The following HIP1R variants were observed in gnomAD, a reference collection of about 807,000 sequenced individuals.
HIP1R encodes the protein huntingtin-interacting protein 1-related protein.
In HIP1R, 135 loss-of-function variants were observed where a neutral mutation model predicts 144.2. The ratio of observed to expected loss-of-function variants is 0.94; its 90% CI spans 0.81 to 1.08. HIP1R has a LOEUF of 1.08. HIP1R is among the 50% of genes least tolerant of loss of function. HIP1R has a pLI of 0.00. For missense variants in HIP1R, 1,462 were observed against 1,432.8 expected, an observed-to-expected ratio of 1.02 and a Z score of -0.33; for synonymous variants, 698 against 612.8, an observed-to-expected ratio of 1.14 and a Z score of -2.05.
chr12:122,843,366 G>A (rs781071490), intron 1 of HIP1R, among the ~76,000 whole-genome samples: 4 of 152,190 alleles, frequency 2.6e-5, no homozygotes, highest in Non-Finnish European at 4.4e-5. Flanking sequence ...CTGCTCCGAG[G>A]TTCCTTGTGA....
Position 122,859,108 on chromosome 12 carries a change from A to C in HIP1R, c.2206A>C (p.Met736Leu), listed in dbSNP as rs1192026327. ...RECGARALELMGQLQDQQALR... is the reference protein window; with the variant it reads ...RECGARALELLGQLQDQQALR... The stretch of plus-strand genomic sequence containing the variant: ...GTGCGGGGCCCGGGCTCTGGAGCTC[A>C]TGGGGCAGCTGCAGGACCAGCAGGC... The change falls in exon 22 of 32, where the codon ATG (methionine) becomes CTG (leucine). Residue 736 changes from methionine to leucine, a missense_variant. Met to Leu is a conservative substitution (Grantham distance 15). Around this residue, in one of 2 missense-constraint regions of HIP1R, gnomAD observed 1,112 missense variants for 1,011.7 expected, o/e 1.10. Transcript: ENST00000253083. 6.2e-7 allele frequency: 1 copy of C among 1,600,114 alleles called. No homozygotes were observed. The highest frequency in any genetic ancestry group is 8.5e-7 in the Non-Finnish European group (1 of 1,174,144).
intron 12 of HIP1R, 41 bp downstream of exon 12, chr12:122,855,653 A>T: frequency 6.5e-7 from 1 of 1,546,238 alleles, no homozygotes; most frequent in Non-Finnish European, 8.7e-7. Flanking sequence ...GGTGGTTGGA[A>T]ACGGGCTCAG....
At chr12:122,857,515 G>T (rs935673859) in intron 18 of HIP1R, 28 of 524,140 alleles carry the variant, frequency 5.3e-5, no homozygotes, top group Non-Finnish European at 9.4e-5. Context: ...TCTGGCTGTT[G>T]TAAATAGTGC....
chr12:122,861,653 G>C, intron 31 of HIP1R, 53 bp from the exon 32 acceptor site: 8 of 1,608,190 alleles, frequency 5.0e-6, no homozygotes, highest in Non-Finnish European at 5.9e-6. Context: ...GGGAGAGGTG[G>C]GGCCCCAGGT....
At chr12:122,843,579 C>T (rs2033120630) in intron 1 of HIP1R, among the ~76,000 whole-genome samples, 1 of 152,196 alleles carries the variant, frequency 6.6e-6, no homozygotes, top group Admixed American at 6.5e-5. Context: ...CCCCTGGGTG[C>T]CCCTGAGCTT....
At chr12:122,855,203 G>C in intron 10 of HIP1R, 62 bp from the exon 11 acceptor site, 1 of 1,610,996 alleles carries the variant, frequency 6.2e-7, no homozygotes, top group Non-Finnish European at 8.5e-7. Flanking sequence ...AGGCTATGGA[G>C]ATGGCGGAAG....
chr12:122,840,290 G>A lies in HIP1R; in HGVS notation c.93+4647G>A, dbSNP rs760424710. Among the ~76,000 whole-genome samples the A allele has an allele frequency of 5.9e-5, 9 of 152,210 alleles. No individual in the cohort carries two copies. The highest frequency in any genetic ancestry group is 1.2e-4 in the Non-Finnish European group (8 of 68,044). On this transcript the variant is annotated intron_variant, in intron 1 of 31. Transcript: ENST00000253083. This position sits in a 1 kb window ranked among gnomAD's most constrained non-coding sequence, Gnocchi z 4.2. ...GACACATTCCTGAGCGCCGCTTGCTGTCTTACCATTTGGCCTGTTCCTGTA... is the reference window on the plus strand; with the variant it reads ...GACACATTCCTGAGCGCCGCTTGCTATCTTACCATTTGGCCTGTTCCTGTA...
chr12:122,862,443 GGAGT>G lies in HIP1R; in HGVS notation c.*695_*698del, dbSNP rs55670954. 144,954 of 152,212 alleles carry G rather than the reference GGAGT, an allele frequency of 0.95. 69,065 individuals carry two copies. Among genetic ancestry groups the G allele is most frequent in the East Asian group, 0.99 (5,120 of 5,174 alleles). The allele number at this position is 152,212 out of a possible 1,614,324, so 9.4% of individuals were successfully genotyped here. ...CGGCCCGGGCGCTGCCTTCACTCCT[GGAGT>G]GAGTTTCCATTTCCAGCTGGAATCT... On this transcript the variant is annotated 3_prime_UTR_variant, in exon 32 of 32. Coordinates refer to ENST00000253083, the MANE Select transcript of HIP1R (RefSeq NM_003959.3).
Position 122,861,450 on chromosome 12 carries a change from G to A in HIP1R, c.3095G>A (p.Ser1032Asn), listed in dbSNP as rs2033769251. ...VAIRPSTAPRSVTTKKPPLAQ... is the reference protein window; with the variant it reads ...VAIRPSTAPRNVTTKKPPLAQ... Reference sequence around the variant, plus strand: ...ATCCGGCCCAGCACTGCCCCCCGAAGTGTAACCACCAAGAAACCACCCCTG... The same window carrying A: ...ATCCGGCCCAGCACTGCCCCCCGAAATGTAACCACCAAGAAACCACCCCTG... The change falls in exon 31 of 32, where the codon AGT (serine) becomes AAT (asparagine). Residue 1032 changes from serine (S) to asparagine (N), a missense_variant. By Grantham distance (46) the Ser-to-Asn change is conservative. Transcript: ENST00000253083. The A allele has an allele frequency of 1.2e-6, 2 of 1,613,424 alleles. No individual in the cohort carries two copies. The highest frequency in any genetic ancestry group is 1.7e-6 in the Non-Finnish European group (2 of 1,179,898).
Position 122,860,332 on chromosome 12 carries a change from C to T in HIP1R, c.2560-91C>T. 8 of 1,558,018 alleles carry T rather than the reference C, an allele frequency of 5.1e-6. No individual in the cohort carries two copies. In the African/African-American group the frequency reaches 8.1e-5, roughly 16 times the overall value. On this transcript the variant is annotated intron_variant, in intron 26 of 31. Transcript: ENST00000253083. ...AGGCCTCAGGGATGCGCCCTATGGC[C>T]AGAGTGAGGGGGAGAGGGCCCTTGA...
Position 122,854,837 on chromosome 12 carries a change from C to G in HIP1R, c.719-68C>G, listed in dbSNP as rs2033514202. On this transcript the variant is annotated intron_variant, in intron 8 of 31. Transcript: ENST00000253083. ...TGTGAGTTTGTAGCATACGGAGGAA[C>G]AAGGCAGGGCAGGTGAGCCCCTGAG... is the stretch of plus-strand genomic sequence containing the variant. The G allele has an allele frequency of 9.9e-6, 15 of 1,510,752 alleles. No individual in the cohort carries two copies. In the South Asian group the frequency reaches 1.0e-4, roughly 10 times the overall value. 93.6% of individuals were successfully genotyped at this position (1,510,752 alleles called of 1,614,324 possible). A position where few individuals can be genotyped will look rare whatever the true frequency, so the allele number is the denominator to read the frequency against.
In HIP1R at chr12:122,861,987, G is replaced by A; in HGVS notation, c.*234G>A. On this transcript the variant is annotated 3_prime_UTR_variant, in exon 32 of 32. Coordinates refer to ENST00000253083, the MANE Select transcript of HIP1R (RefSeq NM_003959.3). ...TCTGCAGAAGGAACTTTGGGGTGCA[G>A]CCAGGACCCGGTAGGCCTGAGCCTC... The A allele has an allele frequency of 3.8e-6, 2 of 526,172 alleles. No individual in the cohort carries two copies. Among genetic ancestry groups the A allele is most frequent in the Non-Finnish European group, 6.7e-6 (2 of 298,352 alleles). The allele number at this position is 526,172 out of a possible 1,614,324, so 32.6% of individuals were successfully genotyped here. A position where few individuals can be genotyped will look rare whatever the true frequency, so the allele number is the denominator to read the frequency against.
intron 1 of HIP1R, among the ~76,000 whole-genome samples, chr12:122,847,039 C>G (rs1593866942): frequency 1.3e-5 from 2 of 152,248 alleles, no homozygotes; most frequent in Admixed American, 6.5e-5. Flanking sequence ...GCTGCCCTGG[C>G]TGAGGCTGGG....
Position 122,840,677 on chromosome 12 carries a change from G to A in HIP1R, c.93+5034G>A, listed in dbSNP as rs540004621. On this transcript the variant is annotated intron_variant, in intron 1 of 31. Coordinates refer to ENST00000253083, the MANE Select transcript of HIP1R (RefSeq NM_003959.3). This position sits in a 1 kb window ranked among gnomAD's most constrained non-coding sequence, Gnocchi z 4.2. ...CGGTGCCCTTAGATTAGCTGTAAGC[G>A]GAGGCCTTGTGTGCTGGGGCGGTTG... Among the ~76,000 whole-genome samples the A allele has an allele frequency of 3.3e-5, 5 of 152,296 alleles. No homozygotes were observed. Among genetic ancestry groups the A allele is most frequent in the South Asian group, 2.1e-4 (1 of 4,824 alleles).
chr12:122,840,893 C>T lies in HIP1R; in HGVS notation c.93+5250C>T, dbSNP rs1340298919. Among the ~76,000 whole-genome samples, 1 of 152,216 alleles carries T rather than the reference C, an allele frequency of 6.6e-6. No individual in the cohort carries two copies. The highest frequency in any genetic ancestry group is 1.9e-4 in the East Asian group (1 of 5,188). The stretch of plus-strand genomic sequence containing the variant: ...GCCTTGCCTGGCAGAACTGCTCACC[C>T]TCTGAATAGGGACAGGCGCAGACGA... On this transcript the variant is annotated intron_variant, in intron 1 of 31. Transcript: ENST00000253083. The surrounding 1 kb of genome is among the most constrained non-coding windows in gnomAD (Gnocchi z 4.2).
At chr12:122,852,005 TC>T (rs1378362583) in intron 7 of HIP1R, among the ~76,000 whole-genome samples, 1 of 152,186 alleles carries the variant, frequency 6.6e-6, no homozygotes, top group African/African-American at 2.4e-5. Flanking sequence ...ACGTCAGACT[TC>T]CTAGCGAGGG....
In HIP1R at chr12:122,856,714, C is replaced by T; in HGVS notation, c.1608C>T (p.Ser536=). The change falls in exon 17 of 32, where the codon AGC becomes AGT. Residue 536 remains serine, a synonymous_variant. Coordinates refer to ENST00000253083, the MANE Select transcript of HIP1R (RefSeq NM_003959.3). ...TGGCCCGCGCGCAGGAGGCCCTGAG[C>T]CACACAGAGCAGGTGCATCTGGCTT... is the stretch of plus-strand genomic sequence containing the variant. ...GELARAQEAL[S]HTEQSKSELS... 2 of 1,575,936 alleles carry T rather than the reference C, an allele frequency of 1.3e-6. No individual in the cohort carries two copies. Among genetic ancestry groups the T allele is most frequent in the Non-Finnish European group, 1.7e-6 (2 of 1,161,178 alleles).
chr12:122,860,849 C>G (rs1449543012), intron 28 of HIP1R, 65 bp downstream of exon 28: 1 of 1,595,746 alleles, frequency 6.3e-7, no homozygotes. Flanking sequence ...GCTGTGGCTG[C>G]CAAGCCCAGG....
chr12:122,860,868 T>C (rs2033748302), intron 28 of HIP1R, 48 bp from the exon 29 acceptor site: 4 of 1,597,482 alleles, frequency 2.5e-6, no homozygotes, highest in Non-Finnish European at 2.6e-6. Context: ...GGCCTGCTGC[T>C]GCCCTGAGCT....
Sources: gnomAD v4.1 joint callset for allele counts (sites outside exome capture counted in the v4.1 genomes callset) on GRCh38, gnomAD v4.1.1 for gene constraint, gnomAD v4.1.1 regional missense constraint, Gnocchi (gnomAD v3.1) non-coding constraint, MANE v1.5 for transcripts, NCBI Gene and HGNC (gene_info 2026-07-23, HGNC 2026-07-21) for gene names.